DENR: variants seen among roughly 807,000 people sequenced by gnomAD.
The protein encoded by DENR is density-regulated protein.
DENR carries 6 observed loss-of-function variants against 30.6 expected under a neutral mutation model. The ratio of observed to expected loss-of-function variants is 0.20; its 90% confidence interval spans 0.11 to 0.39. The LOEUF (loss-of-function observed/expected upper bound fraction) is 0.39. DENR is among the 10% of genes least tolerant of loss of function. DENR has a pLI of 1.00. For missense variants in DENR, 141 were observed against 230.9 expected (o/e 0.61, Z 2.52); for synonymous variants, 78 against 72.1 (o/e 1.08, Z -0.41).
intron 2 of DENR, among the ~76,000 whole-genome samples, chr12:122,760,486 C>T (rs1009968706): frequency 2.3e-4 from 35 of 151,070 alleles, no homozygotes; most frequent in Admixed American, 6.6e-5. Flanking sequence ...AATCCCAGCA[C>T]TTTGGGAGGC....
chr12:122,764,601 A>G (rs1404919147), intron 4 of DENR, among the ~76,000 whole-genome samples: 1 of 152,178 alleles, frequency 6.6e-6, no homozygotes, highest in Non-Finnish European at 1.5e-5. Flanking sequence ...CTCCGTCTCA[A>G]AAAAAATGGA....
intron 1 of DENR, among the ~76,000 whole-genome samples, chr12:122,753,293 C>A (rs1207191669): frequency 6.6e-6 from 1 of 151,384 alleles, no homozygotes; most frequent in Non-Finnish European, 1.5e-5. Flanking sequence ...ACCCCTTGTT[C>A]CTAGGCACTT....
chr12:122,755,052 T>C (rs1426703165), intron 2 of DENR, among the ~76,000 whole-genome samples: 1 of 152,206 alleles, frequency 6.6e-6, no homozygotes, highest in African/African-American at 2.4e-5. Flanking sequence ...GAATTTGAGT[T>C]TCTCCAAATG....
chr12:122,753,885 G>C (rs1878480121), intron 2 of DENR, 78 bp downstream of exon 2: 1 of 1,182,512 alleles, frequency 8.5e-7, no homozygotes, highest in Admixed American at 1.9e-5. Context: ...CATTTGGTAA[G>C]CTTTCTTCCC....
In DENR at chr12:122,767,530, A is replaced by G; in HGVS notation, c.338A>G (p.Gln113Arg). ...QIKQKKKTVPQKVTIAKIPRA... is the reference protein window; with the variant it reads ...QIKQKKKTVPRKVTIAKIPRA... ...AAACAAAAAAAGAAGACCGTACCAC[A>G]AAAGGTTACTATAGCCAAAATTCCC... Residue 113 changes from glutamine (Q) to arginine (R), a missense_variant, in exon 6 of 8, where the codon CAA becomes CGA. By Grantham distance (43) the Gln-to-Arg change is conservative (BLOSUM62 1). Transcript: ENST00000280557. 1 of 1,595,730 alleles carries G rather than the reference A, an allele frequency of 6.3e-7. No homozygotes were observed. The highest frequency in any genetic ancestry group is 8.5e-7 in the Non-Finnish European group (1 of 1,171,496).
At chr12:122,763,556 C>T (rs977291078) in intron 4 of DENR, among the ~76,000 whole-genome samples, 3 of 151,704 alleles carry the variant, frequency 2.0e-5, no homozygotes, top group African/African-American at 7.3e-5. Flanking sequence ...AAATACAAAG[C>T]TGGGCGTGGT....
intron 2 of DENR, among the ~76,000 whole-genome samples, chr12:122,758,124 T>C (rs1878598713): frequency 6.6e-6 from 1 of 152,124 alleles, no homozygotes; most frequent in Non-Finnish European, 1.5e-5. Context: ...CAGACTGGAG[T>C]GTAATGGCGT....
chr12:122,758,354 G>A (rs1047271900), intron 2 of DENR, among the ~76,000 whole-genome samples: 1 of 152,176 alleles, frequency 6.6e-6, no homozygotes, highest in Non-Finnish European at 1.5e-5. Flanking sequence ...ACAGGCGTGA[G>A]CCACCAGACC....
intron 3 of DENR, 92 bp from the exon 4 acceptor site, chr12:122,762,753 G>A (rs1443012030): frequency 1.3e-6 from 1 of 788,576 alleles, no homozygotes; most frequent in Non-Finnish European, 2.0e-6. Context: ...TTTATTCTTT[G>A]TATTAACAAG....
chr12:122,759,373 A>G (rs1878636332), intron 2 of DENR, among the ~76,000 whole-genome samples: 1 of 152,228 alleles, frequency 6.6e-6, no homozygotes. Context: ...TAAAGCAAAT[A>G]ATGGTGAACT....
chr12:122,753,137 C>G (rs988940174), intron 1 of DENR, among the ~76,000 whole-genome samples, 187 bp downstream of exon 1: 1 of 152,206 alleles, frequency 6.6e-6, no homozygotes, highest in Non-Finnish European at 1.5e-5. Context: ...CCTCAGTGCT[C>G]TTACATTCTG....
chr12:122,754,438 T>C (rs1480039067), intron 2 of DENR, among the ~76,000 whole-genome samples: 1 of 152,248 alleles, frequency 6.6e-6, no homozygotes, highest in Non-Finnish European at 1.5e-5. Context: ...AAATGCTGTA[T>C]GTATTCGCAT....
chr12:122,761,814 CAAAAG>C (rs900175240), intron 2 of DENR, among the ~76,000 whole-genome samples: 9 of 152,252 alleles, frequency 5.9e-5, no homozygotes, highest in African/African-American at 2.2e-4. Flanking sequence ...GACCGTGTCT[CAAAAG>C]AAAAGAAATA....
chr12:122,753,196 C>T (rs1366150672), intron 1 of DENR, among the ~76,000 whole-genome samples: 2 of 152,126 alleles, frequency 1.3e-5, no homozygotes, highest in South Asian at 2.1e-4. Flanking sequence ...ACCCCGCCCC[C>T]TCCCATGCCC....
At chr12:122,766,650 G>A (rs889344640) in intron 5 of DENR, among the ~76,000 whole-genome samples, 3 of 152,264 alleles carry the variant, frequency 2.0e-5, no homozygotes, top group Admixed American at 6.5e-5. Context: ...ATTTTGGTTA[G>A]TGACAACACT....
At chr12:122,754,293 T>G (rs1295438046) in intron 2 of DENR, 1 of 167,858 alleles carries the variant, frequency 6.0e-6, no homozygotes, top group African/African-American at 2.4e-5. Flanking sequence ...AAGGTGAGGT[T>G]GGAGTGTTGG....
In DENR at chr12:122,770,327, T is replaced by C; in HGVS notation, c.*1249T>C. On this transcript the variant is annotated 3_prime_UTR_variant, in exon 8 of 8. Transcript: ENST00000280557. ...TGGTGCATTGTGTGGTAGAATATTA[T>C]GCATATGTTTAAAGAATCATATTTT... 3.6e-6 allele frequency: 1 copy of C among 279,822 alleles called. No homozygotes were observed. Among genetic ancestry groups the C allele is most frequent in the East Asian group, 6.2e-5 (1 of 16,106 alleles). The allele number at this position is 279,822 out of a possible 1,614,324, so 17.3% of individuals were successfully genotyped here.
Position 122,769,435 on chromosome 12 carries a change from A to G in DENR, c.*357A>G. The G allele has an allele frequency of 2.0e-6, 2 of 986,808 alleles. No homozygotes were observed. The highest frequency in any genetic ancestry group is 9.2e-5 in the South Asian group (2 of 21,678). 61.1% of individuals were successfully genotyped at this position (986,808 alleles called of 1,614,324 possible). A position where few individuals can be genotyped will look rare whatever the true frequency, so the allele number is the denominator to read the frequency against. ...AAAGTCAAATAAACGGGAGACTGTCATGCTCATGCATGAATAGAATTTAGT... is the reference window on the plus strand; with the variant it reads ...AAAGTCAAATAAACGGGAGACTGTCGTGCTCATGCATGAATAGAATTTAGT... On this transcript the variant is annotated 3_prime_UTR_variant, in exon 8 of 8. Transcript: ENST00000280557.
At chr12:122,757,139 C>T (rs1286522575) in intron 2 of DENR, among the ~76,000 whole-genome samples, 5 of 152,158 alleles carry the variant, frequency 3.3e-5, no homozygotes, top group Admixed American at 3.3e-4. Context: ...GCGATAGTGA[C>T]ATAGGCATTT....
Sources: gnomAD v4.1 joint callset for allele counts (sites outside exome capture counted in the v4.1 genomes callset) on GRCh38, gnomAD v4.1.1 for gene constraint, MANE v1.5 for transcripts, NCBI Gene and HGNC (gene_info 2026-07-23, HGNC 2026-07-21) for gene names.